XKR4: variants seen among roughly 807,000 people sequenced by gnomAD.
The protein encoded by XKR4 is XK-related protein 4.
XKR4 carries 12 observed loss-of-function variants against 53.9 expected under a neutral mutation model. The observed-to-expected ratio is 0.22, with a 90% CI of 0.14 to 0.36. The LOEUF (loss-of-function observed/expected upper bound fraction) is 0.36. Among genes scored for constraint, XKR4 ranks in the 10% least tolerant of loss-of-function variants. XKR4 has a pLI of 1.00. For missense variants in XKR4, 799 were observed against 859.5 expected (o/e 0.93, Z 0.88); for synonymous variants, 354 against 362.4 (o/e 0.98, Z 0.26).
At chr8:55,389,365 CAA>C (rs2129388435) in intron 2 of XKR4, among the ~76,000 whole-genome samples, 1 of 152,250 alleles carries the variant, frequency 6.6e-6, no homozygotes, top group South Asian at 2.1e-4. Context: ...TATGTCACTC[CAA>C]GTTTCCTGTA....
At chr8:55,173,390 A>G (rs1817188792) in intron 1 of XKR4, among the ~76,000 whole-genome samples, 1 of 151,840 alleles carries the variant, frequency 6.6e-6, no homozygotes, top group Non-Finnish European at 1.5e-5. Flanking sequence ...CTTGCACTTC[A>G]TGCAACATCA....
At chr8:55,214,558 A>G (rs1009785500) in intron 1 of XKR4, among the ~76,000 whole-genome samples, 1 of 152,216 alleles carries the variant, frequency 6.6e-6, no homozygotes, top group Admixed American at 6.5e-5. Flanking sequence ...GACATCACCA[A>G]AATATATTGA....
intron 1 of XKR4, among the ~76,000 whole-genome samples, chr8:55,288,351 C>A (rs924271595): frequency 2.0e-5 from 3 of 152,140 alleles, no homozygotes; most frequent in Non-Finnish European, 4.4e-5. Flanking sequence ...TAAAAAGTTG[C>A]TAAAGATGTT....
intron 2 of XKR4, among the ~76,000 whole-genome samples, chr8:55,505,937 T>C (rs1806520081): frequency 6.6e-6 from 1 of 152,228 alleles, no homozygotes; most frequent in African/African-American, 2.4e-5. Flanking sequence ...TCTTCCTATA[T>C]CAAAATATAT....
chr8:55,403,392 A>G (rs560071529), intron 2 of XKR4, among the ~76,000 whole-genome samples: 12 of 152,358 alleles, frequency 7.9e-5, no homozygotes, highest in African/African-American at 2.9e-4. Flanking sequence ...AGATCTATAA[A>G]TTAAGTAAGA....
intron 1 of XKR4, among the ~76,000 whole-genome samples, chr8:55,259,322 A>G (rs1318004127): frequency 6.6e-6 from 1 of 152,230 alleles, no homozygotes; most frequent in East Asian, 1.9e-4. Flanking sequence ...TGAAGATTAA[A>G]TTAGATAATG....
chr8:55,321,954 A>C (rs1457045943), intron 1 of XKR4, among the ~76,000 whole-genome samples: 1 of 152,006 alleles, frequency 6.6e-6, no homozygotes, highest in Non-Finnish European at 1.5e-5. Flanking sequence ...ATGCCACTAC[A>C]CTCCAGCCTG....
chr8:55,448,473 A>G (rs2129395829), intron 2 of XKR4, among the ~76,000 whole-genome samples: 1 of 152,394 alleles, frequency 6.6e-6, no homozygotes, highest in Admixed American at 6.5e-5. Context: ...TGATTAATTA[A>G]GCCAAAATCT....
intron 2 of XKR4, among the ~76,000 whole-genome samples, chr8:55,466,673 A>G (rs1024676451): frequency 1.3e-5 from 2 of 152,092 alleles, no homozygotes; most frequent in Admixed American, 1.3e-4. Context: ...TTTCTTTACC[A>G]TCTTACTATC....
intron 1 of XKR4, among the ~76,000 whole-genome samples, chr8:55,104,965 C>A (rs1373556911): frequency 6.6e-6 from 1 of 152,162 alleles, no homozygotes; most frequent in East Asian, 1.9e-4. Context: ...TTAAGCTTAA[C>A]ATTCCATTTG....
intron 1 of XKR4, among the ~76,000 whole-genome samples, chr8:55,276,381 T>C (rs1430952643): frequency 6.6e-6 from 1 of 152,206 alleles, no homozygotes; most frequent in Non-Finnish European, 1.5e-5. Context: ...CATAAGAAAG[T>C]TGAATGCCTT....
At chr8:55,148,143 A>T (rs948825865) in intron 1 of XKR4, among the ~76,000 whole-genome samples, 4 of 152,234 alleles carry the variant, frequency 2.6e-5, no homozygotes, top group African/African-American at 9.6e-5. Context: ...CTGATATCTG[A>T]ATTTTAAGAT....
At chr8:55,295,011 C>T (rs1231220018) in intron 1 of XKR4, among the ~76,000 whole-genome samples, 2 of 152,118 alleles carry the variant, frequency 1.3e-5, no homozygotes, top group African/African-American at 4.8e-5. Context: ...GTTCTTTCTC[C>T]ATGCCAAATC....
intron 1 of XKR4, among the ~76,000 whole-genome samples, chr8:55,240,773 C>G (rs1165224640): frequency 6.6e-6 from 1 of 152,146 alleles, no homozygotes; most frequent in Non-Finnish European, 1.5e-5. Flanking sequence ...AACATACTAA[C>G]TTTATGGCCG....
At chr8:55,522,659 C>T (rs1473555849) in intron 2 of XKR4, among the ~76,000 whole-genome samples, 3 of 152,190 alleles carry the variant, frequency 2.0e-5, no homozygotes, top group Non-Finnish European at 4.4e-5. Flanking sequence ...TAAATGAGGA[C>T]ACCCATTTTG....
chr8:55,497,734 C>A (rs1016892656), intron 2 of XKR4, among the ~76,000 whole-genome samples: 6 of 151,670 alleles, frequency 4.0e-5, no homozygotes, highest in African/African-American at 1.5e-4. Flanking sequence ...ATTCCAATGA[C>A]CTTACTGACC....
intron 1 of XKR4, among the ~76,000 whole-genome samples, chr8:55,145,430 C>CAAA (rs3048693): frequency 5.1e-4 from 76 of 149,804 alleles, no homozygotes; most frequent in Admixed American, 1.7e-3. Flanking sequence ...AATTTTTTCT[C>CAAA]AAAAAAAAAA....
intron 1 of XKR4, among the ~76,000 whole-genome samples, chr8:55,201,974 G>A (rs1283606393): frequency 1.3e-5 from 2 of 152,150 alleles, no homozygotes; most frequent in Non-Finnish European, 2.9e-5. Context: ...CTAAAACTGA[G>A]ATATGGTTTA....
At chr8:55,487,832 C>T (rs1207092885) in intron 2 of XKR4, among the ~76,000 whole-genome samples, 1 of 152,164 alleles carries the variant, frequency 6.6e-6, no homozygotes, top group Non-Finnish European at 1.5e-5. Flanking sequence ...CATTGTCAGC[C>T]TGGCACCCCT....
Sources: allele counts gnomAD v4.1 joint callset (sites outside exome capture counted in the v4.1 genomes callset), GRCh38; gene constraint gnomAD v4.1.1; transcripts MANE v1.5; gene names NCBI Gene and HGNC (gene_info 2026-07-23, HGNC 2026-07-21).